The following ITPR1 variants were observed in gnomAD, a reference collection of about 807,000 sequenced individuals.
The protein encoded by ITPR1 is inositol 1,4,5-trisphosphate-gated calcium channel ITPR1.
A neutral mutation model predicts 318.4 loss-of-function variants in ITPR1; 96 were observed. The observed-to-expected ratio is 0.30, with a 90% CI of 0.26 to 0.36. ITPR1 has a LOEUF of 0.36. ITPR1 is among the 10% of genes least tolerant of loss of function. The probability of loss-of-function intolerance (pLI) is 1.00; values close to 1 mark genes in which losing one functional copy is unlikely to be tolerated. For synonymous variants in ITPR1, 1,312 were observed against 1,289.9 expected (o/e 1.02, Z -0.37); for missense variants, 2,440 against 3,460.2 (o/e 0.71, Z 7.40).
chr3:4,717,246 C>T, intron 39 of ITPR1, 121 bp from the exon 40 acceptor site: 1 of 850,000 alleles, frequency 1.2e-6, no homozygotes. Context: ...AGGATGGTTA[C>T]CCATCTAGCA....
intron 4 of ITPR1, among the ~76,000 whole-genome samples, chr3:4,542,595 C>T (rs2084563078): frequency 6.6e-6 from 1 of 150,634 alleles, no homozygotes; most frequent in South Asian, 2.1e-4. Context: ...CCTCGTAGTT[C>T]ACAAACAAGT....
At chr3:4,652,303 A>G in intron 11 of ITPR1, 85 bp downstream of exon 11, 1 of 942,306 alleles carries the variant, frequency 1.1e-6, no homozygotes, top group Non-Finnish European at 1.7e-6. Context: ...GTCGTGTTGT[A>G]AAAGGCTTAG....
chr3:4,771,771 T>C (rs1469391971), intron 46 of ITPR1, among the ~76,000 whole-genome samples: 2 of 152,010 alleles, frequency 1.3e-5, no homozygotes, highest in East Asian at 3.9e-4. Flanking sequence ...AGCAACATAA[T>C]GTTTGAAGGT....
At chr3:4,804,302 C>T (rs1339620245) in intron 54 of ITPR1, among the ~76,000 whole-genome samples, 1 of 152,122 alleles carries the variant, frequency 6.6e-6, no homozygotes, top group East Asian at 1.9e-4. Flanking sequence ...GTCCTAAAGC[C>T]CAGCTGGGAG....
At chr3:4,701,354 G>A (rs565654303) in intron 35 of ITPR1, among the ~76,000 whole-genome samples, 251 of 152,302 alleles carry the variant, frequency 1.6e-3, no homozygotes, top group African/African-American at 5.5e-3. Flanking sequence ...ACAGAGCCTG[G>A]CATGTAGGAA....
rs6793576 is a variant in ITPR1 at position 4,681,627 on chromosome 3, G to A, written c.3161+209G>A. ...AGTGAGAGAGAGAGAGAGAGAAAGT[G>A]TGTGTGTGTGTGTGTGTGTGTGTGT... On this transcript the variant is annotated intron_variant, in intron 26 of 61. Coordinates refer to ENST00000649015, the MANE Select transcript of ITPR1 (RefSeq NM_001378452.1). Among the ~76,000 whole-genome samples the A allele has an allele frequency of 4.6e-4, 20 of 43,160 alleles. No individual in the cohort carries two copies. The highest frequency in any genetic ancestry group is 3.0e-3 in the East Asian group (1 of 330). 28.3% of individuals were successfully genotyped at this position (43,160 alleles called of 152,430 possible). A position where few individuals can be genotyped will look rare whatever the true frequency, so the allele number is the denominator to read the frequency against.
At chr3:4,631,832 G>A (rs1290574755) in intron 5 of ITPR1, among the ~76,000 whole-genome samples, 1 of 152,098 alleles carries the variant, frequency 6.6e-6, no homozygotes, top group Non-Finnish European at 1.5e-5. Context: ...ATACCCCCAG[G>A]CTGGAATGCA....
Position 4,669,708 on chromosome 3 carries a change from G to A in ITPR1, c.1941G>A (p.Val647=). The stretch of plus-strand genomic sequence containing the variant: ...TCTCCATGAACAAATCAATTCCAGT[G>A]ACCCAGGAACTGATATGTAAAGCTG... ...LCVSMNKSIP[V]TQELICKAVL... The change falls in exon 19 of 62, where the codon GTG becomes GTA. Residue 647 remains valine (V), a synonymous_variant. Transcript: ENST00000649015. 1 of 1,613,356 alleles carries A rather than the reference G, an allele frequency of 6.2e-7. No homozygotes were observed. The highest frequency in any genetic ancestry group is 8.5e-7 in the Non-Finnish European group (1 of 1,179,492).
chr3:4,794,364 C>T (rs753386337), intron 52 of ITPR1, among the ~76,000 whole-genome samples: 10 of 152,342 alleles, frequency 6.6e-5, no homozygotes, highest in Non-Finnish European at 1.3e-4. Context: ...TTTGCTGCCA[C>T]ATCCTCTCTC....
chr3:4,627,736 A>G, intron 4 of ITPR1, 27 bp from the exon 5 acceptor site: 1 of 1,471,188 alleles, frequency 6.8e-7, no homozygotes. Flanking sequence ...CTCAATGGCA[A>G]TTTCTGTTTG....
chr3:4,845,749 G>C (rs1040883524), intron 61 of ITPR1, among the ~76,000 whole-genome samples: 20 of 152,118 alleles, frequency 1.3e-4, no homozygotes, highest in African/African-American at 4.6e-4. Flanking sequence ...CTCAAACCTA[G>C]GATTCTAAAC....
intron 60 of ITPR1, chr3:4,830,881 C>T (rs1010884492): frequency 8.8e-6 from 4 of 454,918 alleles, no homozygotes; most frequent in Non-Finnish European, 1.8e-5. Context: ...GCCTCATTCT[C>T]TGATTTGGCT....
chr3:4,669,211 G>A (rs1028966429), intron 18 of ITPR1, among the ~76,000 whole-genome samples: 4 of 152,164 alleles, frequency 2.6e-5, no homozygotes, highest in Admixed American at 6.5e-5. Context: ...TTCTGTAGAC[G>A]AGCATCAATT....
Position 4,782,702 on chromosome 3 carries a change from C to T in ITPR1, c.6471C>T (p.Pro2157=). The change falls in exon 50 of 62, where the codon CCC becomes CCT. Residue 2157 remains proline (P), a synonymous_variant. Transcript: ENST00000649015. ...ACGGTGAGGATGGGGCGGCGTCCCC[C>T]AGGAACGTGGGGCACAACATCTACA... ...GENGEDGAAS[P]RNVGHNIYIL... 4 of 1,595,728 alleles carry T rather than the reference C, an allele frequency of 2.5e-6. No homozygotes were observed. The South Asian group carries it at 4.6e-5, about 18-fold the overall frequency.
At chr3:4,738,739 A>AT (rs2043471485) in intron 44 of ITPR1, among the ~76,000 whole-genome samples, 1 of 151,820 alleles carries the variant, frequency 6.6e-6, no homozygotes, top group African/African-American at 2.4e-5. Flanking sequence ...TATGAATATT[A>AT]GTTTCATGGT....
At chr3:4,635,283 A>G (rs760649739) in intron 5 of ITPR1, among the ~76,000 whole-genome samples, 31 of 152,264 alleles carry the variant, frequency 2.0e-4, no homozygotes, top group African/African-American at 2.9e-4. Context: ...TTTTTGGTCA[A>G]TATTGCCTGA....
At chr3:4,768,272 C>G (rs867323016) in intron 45 of ITPR1, 22 of 408,776 alleles carry the variant, frequency 5.4e-5, no homozygotes, top group Middle Eastern at 6.5e-4. Context: ...GAGGCTTTTC[C>G]TCTGAAACAC....
chr3:4,583,074 GAGA>G lies in ITPR1; in HGVS notation c.164-44679_164-44677del, dbSNP rs961533666. Among the ~76,000 whole-genome samples the G allele has an allele frequency of 7.2e-5, 11 of 152,190 alleles. 1 individual carries two copies. The South Asian group carries it at 1.0e-3, about 14-fold the overall frequency. Reference sequence around the variant, plus strand: ...GCATGTACAAACTCTTGGCATATAGGAGAAGAAGAAGATTTCTAAAAAATCAAG... The same window carrying G: ...GCATGTACAAACTCTTGGCATATAGGAGAAGAAGATTTCTAAAAAATCAAG... On this transcript the variant is annotated intron_variant, in intron 4 of 61. Coordinates refer to ENST00000649015, the MANE Select transcript of ITPR1 (RefSeq NM_001378452.1).
chr3:4,758,663 A>T (rs1479916594), intron 44 of ITPR1, among the ~76,000 whole-genome samples: 1 of 152,196 alleles, frequency 6.6e-6, no homozygotes, highest in African/African-American at 2.4e-5. Flanking sequence ...TAGGACTGTG[A>T]CCTCTTGCAC....
Sources: gnomAD v4.1 joint callset for allele counts (sites outside exome capture counted in the v4.1 genomes callset) on GRCh38, gnomAD v4.1.1 for gene constraint, MANE v1.5 for transcripts, NCBI Gene and HGNC (gene_info 2026-07-23, HGNC 2026-07-21) for gene names.